NDRG3: variants seen among roughly 807,000 people sequenced by gnomAD.
NDRG3 encodes protein NDRG3.
A neutral mutation model predicts 57.2 loss-of-function variants in NDRG3; 23 were observed. That is an observed-to-expected ratio of 0.40 (90% CI 0.29 to 0.57). The LOEUF (loss-of-function observed/expected upper bound fraction) is 0.57. Ranked by LOEUF, NDRG3 falls within the 20% of genes least tolerant of loss-of-function variation. NDRG3 has a pLI of 0.42. For synonymous variants in NDRG3, 132 were observed against 162.6 expected, an observed-to-expected ratio of 0.81 and a Z score of 1.43; for missense variants, 384 against 457.3, an observed-to-expected ratio of 0.84 and a Z score of 1.46.
intron 3 of NDRG3, among the ~76,000 whole-genome samples, chr20:36,693,072 CAAAAAAAAAAAAAAAAAAA>C (rs1166724972): frequency 6.6e-4 from 3 of 4,530 alleles, no homozygotes; most frequent in African/African-American, 2.3e-3. Flanking sequence ...GACCCTGTCT[CAAAAAAAAAAAAAAAAAAA>C]AAAAAAAAAA....
chr20:36,731,347 A>G (rs975592515), intron 1 of NDRG3, among the ~76,000 whole-genome samples: 5 of 152,320 alleles, frequency 3.3e-5, no homozygotes, highest in African/African-American at 1.2e-4. Flanking sequence ...GATTTACACA[A>G]AAGTGGAGGA....
intron 13 of NDRG3, among the ~76,000 whole-genome samples, chr20:36,657,298 G>A (rs752100183): frequency 1.2e-4 from 19 of 152,024 alleles, no homozygotes; most frequent in Non-Finnish European, 2.4e-4. Flanking sequence ...GACCAGCCTG[G>A]TCAGCATGGT....
chr20:36,735,189 C>G (rs936456243), intron 1 of NDRG3, among the ~76,000 whole-genome samples: 1 of 152,092 alleles, frequency 6.6e-6, no homozygotes, highest in African/African-American at 2.4e-5. Context: ...TAACAGTATA[C>G]AAGTCACCCC....
intron 3 of NDRG3, among the ~76,000 whole-genome samples, chr20:36,701,696 C>T (rs529681403): frequency 1.3e-5 from 2 of 151,390 alleles, no homozygotes; most frequent in East Asian, 3.9e-4. Context: ...TACAGGCATG[C>T]GCCACCATGC....
intron 12 of NDRG3, 37 bp downstream of exon 12, chr20:36,665,009 G>A (rs539323795): frequency 5.0e-6 from 8 of 1,600,322 alleles, no homozygotes; most frequent in Non-Finnish European, 6.9e-6. Context: ...ATTACATTTT[G>A]ATCTCATTCA....
At chr20:36,704,818 C>G (rs1180651792) in intron 3 of NDRG3, among the ~76,000 whole-genome samples, 4 of 152,126 alleles carry the variant, frequency 2.6e-5, no homozygotes, top group Non-Finnish European at 4.4e-5. Flanking sequence ...ATGAGCCTGA[C>G]CCTTCCAAGG....
chr20:36,710,395 G>T (rs1003847790), intron 2 of NDRG3, among the ~76,000 whole-genome samples: 1 of 152,022 alleles, frequency 6.6e-6, no homozygotes, highest in Non-Finnish European at 1.5e-5. Context: ...GGTTATGGGT[G>T]ATTATAATTT....
chr20:36,702,302 AT>A (rs1983283032), intron 3 of NDRG3, among the ~76,000 whole-genome samples: 1 of 151,716 alleles, frequency 6.6e-6, no homozygotes, highest in Non-Finnish European at 1.5e-5. Flanking sequence ...ATGCCGGCTA[AT>A]TTTTTTGTAT....
intron 1 of NDRG3, among the ~76,000 whole-genome samples, chr20:36,723,916 C>T (rs113299732): frequency 6.6e-6 from 1 of 151,952 alleles, no homozygotes; most frequent in Non-Finnish European, 1.5e-5. Context: ...CATGTTAGCC[C>T]GGCTGGTCTT....
chr20:36,681,711 C>T (rs893416100), intron 7 of NDRG3, among the ~76,000 whole-genome samples: 32 of 147,718 alleles, frequency 2.2e-4, no homozygotes, highest in Middle Eastern at 3.5e-3. Flanking sequence ...ATTTAATTTT[C>T]TTTTTGAGAC....
intron 1 of NDRG3, among the ~76,000 whole-genome samples, chr20:36,734,032 T>C (rs900929874): frequency 6.6e-6 from 1 of 152,214 alleles, no homozygotes; most frequent in Non-Finnish European, 1.5e-5. Context: ...ACTGGCATCA[T>C]GGCTACCAAC....
chr20:36,678,190 TTCAG>T (rs1254882164), intron 8 of NDRG3, among the ~76,000 whole-genome samples: 2 of 152,164 alleles, frequency 1.3e-5, no homozygotes, highest in East Asian at 3.9e-4. Context: ...ATTCATTTCA[TTCAG>T]TAAGAATAAG....
rs1472189549 is a variant in NDRG3 at position 36,671,264 on chromosome 20, C to A, written c.588+77G>T. 8.3e-6 allele frequency: 10 copies of A among 1,211,002 alleles called. No homozygotes were observed. The Admixed American group carries it at 1.3e-4, about 16-fold the overall frequency. 75.0% of individuals were successfully genotyped at this position (1,211,002 alleles called of 1,614,324 possible). A position where few individuals can be genotyped will look rare whatever the true frequency, so the allele number is the denominator to read the frequency against. On this transcript the variant is annotated intron_variant, in intron 9 of 15. Coordinates refer to ENST00000349004, the MANE Select transcript of NDRG3 (RefSeq NM_032013.4). ...AGGATCAGGTAAATTCTAAGGCAGC[C>A]CTTCTTTCCTAAGGTAAAATAAGAA...
At chr20:36,678,542 A>G (rs1428270644) in intron 8 of NDRG3, among the ~76,000 whole-genome samples, 4 of 152,090 alleles carry the variant, frequency 2.6e-5, no homozygotes, top group African/African-American at 4.8e-5. Context: ...TGAGCCAGGC[A>G]TGGTGGCAGG....
chr20:36,684,426 G>C lies in NDRG3; in HGVS notation c.370C>G (p.Leu124Val), dbSNP rs374487036. ...DELAEMLPPVLTHLSLKSIIG... is the reference protein window; with the variant it reads ...DELAEMLPPVVTHLSLKSIIG... ...GAATGAACCTACCTTAGGTGGGTAA[G>C]AACAGGAGGCAGCATTTCAGCCAGC... Residue 124 changes from leucine (L) to valine (V), a missense_variant, in exon 6 of 16, where the codon CTT becomes GTT. Physicochemically the swap from Leu to Val is conservative, Grantham distance 32. Transcript: ENST00000349004. 4 of 1,613,846 alleles carry C rather than the reference G, an allele frequency of 2.5e-6. No homozygotes were observed. The highest frequency in any genetic ancestry group is 1.7e-5 in the Admixed American group (1 of 59,978).
chr20:36,713,903 C>T (rs1356556680), intron 2 of NDRG3, among the ~76,000 whole-genome samples: 1 of 152,044 alleles, frequency 6.6e-6, no homozygotes, highest in Non-Finnish European at 1.5e-5. Flanking sequence ...TGATAAAAAA[C>T]TGTTAAAGAG....
chr20:36,732,691 GT>G (rs1985352977), intron 1 of NDRG3, among the ~76,000 whole-genome samples: 1 of 152,060 alleles, frequency 6.6e-6, no homozygotes, highest in Non-Finnish European at 1.5e-5. Flanking sequence ...ATTTCCCCAG[GT>G]ATTAGCCTAG....
intron 7 of NDRG3, among the ~76,000 whole-genome samples, chr20:36,681,325 G>A (rs375238040): frequency 4.0e-5 from 6 of 151,688 alleles, no homozygotes; most frequent in African/African-American, 1.2e-4. Context: ...CACTGAGGAC[G>A]TATTAAAAAA....
At chr20:36,739,729 T>C (rs1425818903) in intron 1 of NDRG3, among the ~76,000 whole-genome samples, 1 of 151,576 alleles carries the variant, frequency 6.6e-6, no homozygotes, top group East Asian at 2.0e-4. Flanking sequence ...GAGACCATGG[T>C]GAAACCCCGT....
Sources: gnomAD v4.1 joint callset for allele counts (sites outside exome capture counted in the v4.1 genomes callset) on GRCh38, gnomAD v4.1.1 for gene constraint, MANE v1.5 for transcripts, NCBI Gene and HGNC (gene_info 2026-07-23, HGNC 2026-07-21) for gene names.